The following TOP1MT variants were observed in gnomAD, a reference collection of about 807,000 sequenced individuals.
TOP1MT encodes DNA topoisomerase I mitochondrial.
In TOP1MT, 80 loss-of-function variants were observed where a neutral mutation model predicts 73.9. The ratio of observed to expected loss-of-function variants is 1.08; its 90% CI spans 0.90 to 1.30. The LOEUF (loss-of-function observed/expected upper bound fraction) is 1.30, where lower values mean the gene tolerates loss of function less well. Ranked by LOEUF, TOP1MT falls within the 50% of genes most tolerant of loss-of-function variation. TOP1MT has a pLI of 0.00. For synonymous variants in TOP1MT, 338 were observed against 326.4 expected (o/e 1.04, Z -0.38); for missense variants, 815 against 808.0 (o/e 1.01, Z -0.10).
Position 143,321,394 on chromosome 8 carries a change from G to A in TOP1MT, c.961-8C>T, listed in dbSNP as rs751434492. On this transcript the variant is annotated splice_polypyrimidine_tract_variant and splice_region_variant and intron_variant, in intron 7 of 13. Transcript: ENST00000329245. ...TCCTGCTCTCAGTGCCAGCTAGTTG[G>A]TGGGGAATGGTCAAAGTGGGTGGTG... The A allele has an allele frequency of 6.4e-7, 1 of 1,572,166 alleles. No homozygotes were observed. Among genetic ancestry groups the A allele is most frequent in the Non-Finnish European group, 8.7e-7 (1 of 1,152,898 alleles).
At chr8:143,343,439 G>A in intron 1 of TOP1MT, 1 of 352,874 alleles carries the variant, frequency 2.8e-6, no homozygotes, top group Non-Finnish European at 5.7e-6. Context: ...CAAAGCTGCT[G>A]GTGACCCACG....
At chr8:143,326,497 G>A (rs924800474) in intron 3 of TOP1MT, among the ~76,000 whole-genome samples, 153 bp from the exon 4 acceptor site, 20 of 152,200 alleles carry the variant, frequency 1.3e-4, no homozygotes, top group Admixed American at 3.3e-4. Flanking sequence ...CTGCGGCCCC[G>A]TAAATAGAGC....
upstream of TOP1MT, among the ~76,000 whole-genome samples, chr8:143,347,410 C>G (rs1258406504): frequency 6.6e-6 from 1 of 152,218 alleles, no homozygotes; most frequent in Non-Finnish European, 1.5e-5. Context: ...CCGCCTTGGC[C>G]TCCCAGAGTG....
chr8:143,315,028 G>C (rs1258899725), intron 12 of TOP1MT, among the ~76,000 whole-genome samples: 3 of 152,134 alleles, frequency 2.0e-5, no homozygotes, highest in Non-Finnish European at 2.9e-5. Flanking sequence ...GATGCCTATT[G>C]CCAGGCCAAC....
At position 143,321,347 on chromosome 8, in the gene TOP1MT, C is replaced by A; in HGVS notation, c.1000G>T (p.Ala334Ser). The A allele has an allele frequency of 6.3e-7, 1 of 1,597,554 alleles. No homozygotes were observed. Among genetic ancestry groups the A allele is most frequent in the Non-Finnish European group, 8.6e-7 (1 of 1,167,732 alleles). Residue 334 changes from alanine to serine, a missense_variant, in exon 8 of 14, where the codon GCG (alanine) becomes TCG (serine). Ala to Ser is a moderately conservative substitution (Grantham distance 99). Transcript: ENST00000329245. ...GAACAGCAGCCCACGGTGTCGGCCG[C>A]CTCACCGTCCTCCTTCTCATTTCCT... is the stretch of plus-strand genomic sequence containing the variant. ...RAGNEKEDGE[A>S]ADTVGCCSLR...
rs752914964 is a variant in TOP1MT at position 143,310,107 on chromosome 8, G to C, written c.1664C>G (p.Ser555Cys). 6.2e-7 allele frequency: 1 copy of C among 1,613,566 alleles called. No homozygotes were observed. The highest frequency in any genetic ancestry group is 8.5e-7 in the Non-Finnish European group (1 of 1,179,990). The change falls in exon 13 of 14, where the codon TCC becomes TGC. Residue 555 changes from serine (S) to cysteine (C), a missense_variant. Ser to Cys is a moderately radical substitution (Grantham distance 112). This residue lies in a region of TOP1MT where 751 missense variants were observed against 725.4 expected (regional missense o/e 1.04). Coordinates refer to ENST00000329245, the MANE Select transcript of TOP1MT (RefSeq NM_052963.3). ...CCTGGGGTCCAGGTAGTTGAGCTTGGACGTGCCCAGGGCCACCTGCTTGTT... is the reference window on the plus strand; with the variant it reads ...CCTGGGGTCCAGGTAGTTGAGCTTGCACGTGCCCAGGGCCACCTGCTTGTT... ...EENKQVALGTSKLNYLDPRIS... is the reference protein window; with the variant it reads ...EENKQVALGTCKLNYLDPRIS...
upstream of TOP1MT, chr8:143,345,042 G>A (rs1338110558): frequency 6.6e-6 from 1 of 152,216 alleles, no homozygotes; most frequent in Non-Finnish European, 1.5e-5. Flanking sequence ...GAGACCCAGG[G>A]GCCGTGTTAA....
upstream of TOP1MT, among the ~76,000 whole-genome samples, chr8:143,347,691 GCCA>G (rs1374513201): frequency 0.032 from 880 of 27,908 alleles, 7 homozygotes; most frequent in East Asian, 0.16. Flanking sequence ...CAGGCAGGCA[GCCA>G]GCCAGCCAGC....
chr8:143,326,913 C>T (rs943515661), intron 3 of TOP1MT, among the ~76,000 whole-genome samples: 12 of 152,164 alleles, frequency 7.9e-5, no homozygotes, highest in Non-Finnish European at 1.3e-4. Flanking sequence ...CAGCATTTGA[C>T]GTCTATGGAG....
chr8:143,315,319 T>TAA (rs1816126910), intron 12 of TOP1MT, among the ~76,000 whole-genome samples: 1 of 152,150 alleles, frequency 6.6e-6, no homozygotes, highest in African/African-American at 2.4e-5. Context: ...GTGAAAGTAC[T>TAA]AAAAGTCTCT....
chr8:143,336,029 C>T (rs998874816), upstream of TOP1MT, among the ~76,000 whole-genome samples: 3 of 152,224 alleles, frequency 2.0e-5, no homozygotes, highest in East Asian at 1.9e-4. Context: ...CCAGGGGCTG[C>T]GGAACAGTGA....
chr8:143,335,402 G>A (rs377444708), upstream of TOP1MT, among the ~76,000 whole-genome samples: 3 of 152,198 alleles, frequency 2.0e-5, no homozygotes, highest in African/African-American at 7.2e-5. Context: ...CTCAGAGGTG[G>A]TGCCTCTGGA....
upstream of TOP1MT, among the ~76,000 whole-genome samples, chr8:143,335,265 C>T (rs1006795017): frequency 3.9e-5 from 6 of 152,210 alleles, no homozygotes; most frequent in African/African-American, 9.6e-5. Context: ...CCTAAGTACA[C>T]GCTCTGCTGC....
chr8:143,310,141 T>A lies in TOP1MT; in HGVS notation c.1630A>T (p.Lys544Ter). The change falls in exon 13 of 14, where the codon AAG (lysine) becomes TAG (stop). Residue 544 changes from lysine (K) to a stop codon, truncating the protein, a stop_gained. Coordinates refer to ENST00000329245, the MANE Select transcript of TOP1MT (RefSeq NM_052963.3). LOFTEE classifies it high-confidence loss of function. ...LAQLSVQATD[K>*]EENKQVALGT... ...AGGGCCACCTGCTTGTTCTCCTCCT[T>A]GTCCGTGGCCTGCACACTCAGCTGC... 6.2e-7 allele frequency: 1 copy of A among 1,613,338 alleles called. No homozygotes were observed. Among genetic ancestry groups the A allele is most frequent in the Non-Finnish European group, 8.5e-7 (1 of 1,179,856 alleles).
chr8:143,346,174 GGGT>G (rs1817217945), upstream of TOP1MT, among the ~76,000 whole-genome samples: 1 of 152,220 alleles, frequency 6.6e-6, no homozygotes, highest in Non-Finnish European at 1.5e-5. Context: ...TCTTGGCCAA[GGGT>G]TTGTTTCACC....
intron 1 of TOP1MT, among the ~76,000 whole-genome samples, chr8:143,332,078 G>C (rs921594440): frequency 1.9e-4 from 29 of 152,084 alleles, no homozygotes; most frequent in African/African-American, 6.5e-4. Flanking sequence ...TGGAGGGGGT[G>C]GGGGGACACA....
chr8:143,318,171 G>GCCTCCCGTGGGCT, intron 8 of TOP1MT, 85 bp from the exon 9 acceptor site: 2 of 1,292,308 alleles, frequency 1.5e-6, no homozygotes, highest in Non-Finnish European at 2.2e-6. Flanking sequence ...GAGCCTGGGA[G>GCCTCCCGTGGGCT]CCCACGGGAG....
At chr8:143,332,078 G>T (rs921594440) in intron 1 of TOP1MT, among the ~76,000 whole-genome samples, 1 of 152,084 alleles carries the variant, frequency 6.6e-6, no homozygotes. Flanking sequence ...TGGAGGGGGT[G>T]GGGGGACACA....
chr8:143,315,196 G>A (rs763924907), intron 12 of TOP1MT, among the ~76,000 whole-genome samples: 8 of 152,262 alleles, frequency 5.3e-5, no homozygotes, highest in South Asian at 2.1e-4. Flanking sequence ...GCAGTTATCC[G>A]GAGGCCTAAC....
Sources: allele counts gnomAD v4.1 joint callset (sites outside exome capture counted in the v4.1 genomes callset), GRCh38; gene constraint gnomAD v4.1.1; regional missense constraint gnomAD v4.1.1; transcripts MANE v1.5; gene names NCBI Gene and HGNC (gene_info 2026-07-23, HGNC 2026-07-21).